GARNL3: variants seen among roughly 807,000 people sequenced by gnomAD.
GARNL3 encodes GTPase activating Rap/RanGAP domain like 3.
In GARNL3, 63 loss-of-function variants were observed where a neutral mutation model predicts 125.0. The ratio of observed to expected loss-of-function variants is 0.50; its 90% CI spans 0.41 to 0.62. GARNL3 has a LOEUF of 0.62. GARNL3 is among the 20% of genes least tolerant of loss of function. The probability of loss-of-function intolerance (pLI) is 0.00; values close to 1 mark genes in which losing one functional copy is unlikely to be tolerated. For missense variants in GARNL3, 994 were observed against 1,244.0 expected (o/e 0.80, Z 3.02); for synonymous variants, 439 against 457.5 (o/e 0.96, Z 0.52).
chr9:127,382,837 T>A (rs1236621759), intron 22 of GARNL3, among the ~76,000 whole-genome samples: 2 of 152,132 alleles, frequency 1.3e-5, no homozygotes, highest in Non-Finnish European at 1.5e-5. Context: ...CTTCAAGTCC[T>A]CTTGAATAAT....
chr9:127,357,308 A>G lies in GARNL3; in HGVS notation c.2025A>G (p.Arg675=). The change falls in exon 21 of 28, where the codon CGA becomes CGG. Residue 675 remains arginine (R), a synonymous_variant. Transcript: ENST00000373387. ...ACAATCTCATCTGTGTGGCTTATCG[A>G]CACCAATTTGATGTGGTGAATGAGA... ...ESDNLICVAY[R]HQFDVVNEST... 6.2e-7 allele frequency: 1 copy of G among 1,614,150 alleles called. No individual in the cohort carries two copies. Among genetic ancestry groups the G allele is most frequent in the Non-Finnish European group, 8.5e-7 (1 of 1,180,022 alleles).
At position 127,274,124 on chromosome 9, in the gene GARNL3, TA is replaced by T. The variant is rs1469998381; in HGVS notation, c.144+9105del. 2.6e-5 allele frequency among the ~76,000 whole-genome samples: 4 copies of T among 152,218 alleles called. No individual in the cohort carries two copies. In the East Asian group the frequency reaches 7.7e-4, roughly 29 times the overall value. On this transcript the variant is annotated intron_variant, in intron 1 of 27. Transcript: ENST00000373387. The stretch of plus-strand genomic sequence containing the variant: ...TTTCTGTATCTAGCCGTTAACAGCA[TA>T]ATCCTTCTGTCCTCCATTGACAGGT...
Position 127,390,684 on chromosome 9 carries a change from G to A in GARNL3, c.2787G>A (p.Lys929=), listed in dbSNP as rs1832774057. 6.2e-7 allele frequency: 1 copy of A among 1,614,010 alleles called. No individual in the cohort carries two copies. Among genetic ancestry groups the A allele is most frequent in the Non-Finnish European group, 8.5e-7 (1 of 1,179,914 alleles). The part of the protein sequence containing the change: ...EGGPKSEGAP[K]AKSKPRKRLE... ...GACCCAAGTCAGAAGGAGCGCCAAA[G>A]GCCAAATCAAAACCCCGGAAGCGGT... Residue 929 remains lysine, a synonymous_variant, in exon 27 of 28, where the codon AAG becomes AAA. Coordinates refer to ENST00000373387, the MANE Select transcript of GARNL3 (RefSeq NM_032293.5).
rs577480758 is a variant in GARNL3, at chr9:127,384,774, G to A, written c.2270-253G>A. 5.9e-5 allele frequency among the ~76,000 whole-genome samples: 9 copies of A among 152,316 alleles called. No individual in the cohort carries two copies. The East Asian group carries it at 1.5e-3, about 26-fold the overall frequency. On this transcript the variant is annotated intron_variant, in intron 23 of 27. Transcript: ENST00000373387. This position sits in a 1 kb window ranked among gnomAD's most constrained non-coding sequence, Gnocchi z 4.0. ...GATCAGGCAGTGGGGTTTCCATGGG[G>A]GAAAATGGCAGCAAGCATGGTGACA...
chr9:127,292,072 C>T lies in GARNL3; in HGVS notation c.219+830C>T, dbSNP rs138170285. 4.8e-4 allele frequency among the ~76,000 whole-genome samples: 73 copies of T among 152,170 alleles called. 1 individual carries two copies. Among genetic ancestry groups the T allele is most frequent in the African/African-American group, 1.7e-3 (72 of 41,504 alleles). On this transcript the variant is annotated intron_variant, in intron 2 of 27. Coordinates refer to ENST00000373387, the MANE Select transcript of GARNL3 (RefSeq NM_032293.5). The stretch of plus-strand genomic sequence containing the variant: ...TGGTTATTGTTATTGTCATCACTGC[C>T]ACATTGCCGGTTTTCTCCTGACCAC...
upstream of GARNL3, among the ~76,000 whole-genome samples, chr9:127,259,894 T>A (rs2063555212): frequency 1.3e-5 from 2 of 151,940 alleles, no homozygotes; most frequent in Non-Finnish European, 1.5e-5. Context: ...AAAATTTTTT[T>A]AAATTAACCA....
intron 22 of GARNL3, among the ~76,000 whole-genome samples, chr9:127,378,166 G>A (rs1832029188): frequency 6.6e-6 from 1 of 151,072 alleles, no homozygotes; most frequent in Admixed American, 6.6e-5. Context: ...GCTTGAACCA[G>A]GGAGGCACAG....
At position 127,266,721 on chromosome 9, in the gene GARNL3, A is replaced by T. The variant is rs2063713959; in HGVS notation, c.144+1700A>T. 6.6e-6 allele frequency among the ~76,000 whole-genome samples: 1 copy of T among 152,248 alleles called. No individual in the cohort carries two copies. Among genetic ancestry groups the T allele is most frequent in the African/African-American group, 2.4e-5 (1 of 41,466 alleles). On this transcript the variant is annotated intron_variant, in intron 1 of 27. Transcript: ENST00000373387. The surrounding 1 kb of genome is among the most constrained non-coding windows in gnomAD (Gnocchi z 4.0). ...CACATAAGCACAGTTTATGTTAACC[A>T]GCTGCAGTCATAAAGACAAAATTCA... is the stretch of plus-strand genomic sequence containing the variant.
intron 19 of GARNL3, among the ~76,000 whole-genome samples, chr9:127,354,759 T>C (rs1294581332): frequency 2.0e-5 from 3 of 152,226 alleles, no homozygotes; most frequent in Non-Finnish European, 4.4e-5. Context: ...CTCTAGAATA[T>C]AGGAAGTAGG....
intron 1 of GARNL3, among the ~76,000 whole-genome samples, chr9:127,225,622 C>G (rs1311412737): frequency 6.6e-6 from 1 of 151,720 alleles, no homozygotes; most frequent in Non-Finnish European, 1.5e-5. Flanking sequence ...CCAGAAGCGT[C>G]GGTCCAGTGG....
At chr9:127,339,778 G>A in intron 13 of GARNL3, 27 bp downstream of exon 13, 6 of 1,412,558 alleles carry the variant, frequency 4.2e-6, no homozygotes, top group Non-Finnish European at 6.0e-6. Flanking sequence ...AAACAATTTT[G>A]CAACTTGTTC....
Position 127,264,940 on chromosome 9 carries a change from T to C in GARNL3, c.63T>C (p.His21=), listed in dbSNP as rs761115755. The C allele has an allele frequency of 4.0e-5, 65 of 1,613,382 alleles. No individual in the cohort carries two copies. Among genetic ancestry groups the C allele is most frequent in the Non-Finnish European group, 4.7e-5 (56 of 1,179,640 alleles). ...CGCTATGTATAATACTGATGAAGCA[T>C]TTTTGTTCCAGCTCTGTCTCGGAAG... The part of the protein sequence containing the change: ...ARSLCIILMK[H]FCSSSVSEDL... The change falls in exon 1 of 28, where the codon CAT becomes CAC. Residue 21 remains histidine, a synonymous_variant. Transcript: ENST00000373387.
chr9:127,377,192 G>A (rs1448705474), intron 22 of GARNL3, among the ~76,000 whole-genome samples: 1 of 152,164 alleles, frequency 6.6e-6, no homozygotes, highest in African/African-American at 2.4e-5. Context: ...TGATGCTGGT[G>A]CAAGAATAGA....
intron 2 of GARNL3, among the ~76,000 whole-genome samples, chr9:127,252,328 G>A (rs2063419673): frequency 6.6e-6 from 1 of 152,118 alleles, no homozygotes; most frequent in Non-Finnish European, 1.5e-5. Context: ...GCAAATTCTG[G>A]CTTGCCCCTA....
At chr9:127,376,617 T>G (rs1045822330) in intron 22 of GARNL3, among the ~76,000 whole-genome samples, 8 of 152,036 alleles carry the variant, frequency 5.3e-5, no homozygotes, top group African/African-American at 1.5e-4. Flanking sequence ...TTATGGGACG[T>G]TTTAAAGGAT....
chr9:127,346,528 T>C (rs889721320), intron 16 of GARNL3, among the ~76,000 whole-genome samples: 3 of 152,222 alleles, frequency 2.0e-5, no homozygotes, highest in Non-Finnish European at 2.9e-5. Context: ...GAATTTACTG[T>C]TTCCAAGTAC....
chr9:127,369,705 A>T (rs976700073), intron 22 of GARNL3, among the ~76,000 whole-genome samples: 1 of 152,224 alleles, frequency 6.6e-6, no homozygotes, highest in East Asian at 1.9e-4. Context: ...GGAGAAGAGA[A>T]AGCAGACTGG....
chr9:127,391,058 G>A (rs150833033), intron 27 of GARNL3, among the ~76,000 whole-genome samples: 3,254 of 152,220 alleles, frequency 0.021, 134 homozygotes, highest in African/African-American at 0.074. Flanking sequence ...GCCAAGGCGG[G>A]CAGATCACCC....
At chr9:127,368,330 CTTTTTTT>C (rs113907432) in intron 22 of GARNL3, among the ~76,000 whole-genome samples, 1 of 128,974 alleles carries the variant, frequency 7.8e-6, no homozygotes, top group South Asian at 2.5e-4. Context: ...AAATACATTT[CTTTTTTT>C]TTTTTTTTTT....
Sources: gnomAD v4.1 joint callset for allele counts (sites outside exome capture counted in the v4.1 genomes callset) on GRCh38, gnomAD v4.1.1 for gene constraint, Gnocchi (gnomAD v3.1) non-coding constraint, MANE v1.5 for transcripts, NCBI Gene and HGNC (gene_info 2026-07-23, HGNC 2026-07-21) for gene names.